Variants in NRG1 observed in about 807,000 individuals in gnomAD.
The protein encoded by NRG1 is pro-neuregulin-1, membrane-bound isoform.
Under a neutral mutation model 63.8 loss-of-function variants are expected in NRG1, and 18 were observed. The ratio of observed to expected loss-of-function variants is 0.28; its 90% CI spans 0.19 to 0.42. NRG1 has a LOEUF of 0.42. Ranked by LOEUF, NRG1 falls within the 10% of genes least tolerant of loss-of-function variation. The pLI is 1.00. For synonymous variants in NRG1, 302 were observed against 301.3 expected (o/e 1.00, Z -0.02); for missense variants, 762 against 814.7 (o/e 0.94, Z 0.79).
chr8:31,743,898 A>G (rs1436130055), intron 1 of NRG1, among the ~76,000 whole-genome samples: 2 of 151,850 alleles, frequency 1.3e-5, no homozygotes, highest in Admixed American at 1.3e-4. Context: ...CTTACCTTGG[A>G]AAAAAAAGCT....
At chr8:31,682,119 T>C (rs1808401184) in intron 1 of NRG1, among the ~76,000 whole-genome samples, 1 of 152,000 alleles carries the variant, frequency 6.6e-6, no homozygotes, top group African/African-American at 2.4e-5. Flanking sequence ...ATCCCTCTCT[T>C]CCCACTAAAA....
chr8:31,878,464 C>G (rs1393552878), intron 1 of NRG1, among the ~76,000 whole-genome samples: 1 of 152,140 alleles, frequency 6.6e-6, no homozygotes, highest in Non-Finnish European at 1.5e-5. Flanking sequence ...AATAAAAAAG[C>G]AGTATACTCA....
chr8:32,235,266 G>A (rs1335714516), intron 1 of NRG1, among the ~76,000 whole-genome samples: 1 of 146,594 alleles, frequency 6.8e-6, no homozygotes, highest in Non-Finnish European at 1.5e-5. Context: ...AAAGAGCCGG[G>A]CATGAACCTG....
intron 1 of NRG1, among the ~76,000 whole-genome samples, chr8:31,767,304 G>A (rs1011364976): frequency 5.9e-5 from 9 of 152,168 alleles, no homozygotes; most frequent in Non-Finnish European, 1.3e-4. Context: ...TGATTAATTT[G>A]TTAAAATGTG....
intron 5 of NRG1, among the ~76,000 whole-genome samples, chr8:32,659,205 C>T (rs1157313891): frequency 1.4e-5 from 2 of 145,228 alleles, no homozygotes; most frequent in African/African-American, 5.1e-5. Context: ...AGTACAGTGG[C>T]GTAGCCTTGG....
chr8:31,931,076 C>G (rs1382947318), intron 1 of NRG1, among the ~76,000 whole-genome samples: 1 of 152,124 alleles, frequency 6.6e-6, no homozygotes, highest in African/African-American at 2.4e-5. Context: ...TTCCACCGGA[C>G]TTTTGCTCAT....
rs1289131825 is a variant in NRG1 at position 32,440,755 on chromosome 8, G to A, written c.38-155073G>A. ...TGACTCAGTGAACCATCTAGACAGA[G>A]GATGAAATGCAGTAGTTCACCAACA... On this transcript the variant is annotated intron_variant, in intron 1 of 10. Coordinates refer to the NRG1 transcript ENST00000519301. 1.3e-5 allele frequency: 2 copies of A among 152,078 alleles called. 1 individual carries two copies. Among genetic ancestry groups the A allele is most frequent in the South Asian group, 4.2e-4 (2 of 4,814 alleles). The allele number at this position is 152,078 out of a possible 1,614,324, so 9.4% of individuals were successfully genotyped here.
At chr8:32,483,725 T>A (rs1434692496) in intron 1 of NRG1, among the ~76,000 whole-genome samples, 1 of 152,136 alleles carries the variant, frequency 6.6e-6, no homozygotes, top group Non-Finnish European at 1.5e-5. Flanking sequence ...GAAGAGGGGA[T>A]GTGGGTGGGC....
At chr8:32,644,568 T>C (rs1853094706) in intron 5 of NRG1, among the ~76,000 whole-genome samples, 1 of 152,178 alleles carries the variant, frequency 6.6e-6, no homozygotes, top group Admixed American at 6.5e-5. Flanking sequence ...AAAAAAGCAA[T>C]GTTATAGGAA....
At chr8:31,778,719 T>A (rs1329835358) in intron 1 of NRG1, among the ~76,000 whole-genome samples, 2 of 152,218 alleles carry the variant, frequency 1.3e-5, no homozygotes, top group African/African-American at 4.8e-5. Context: ...TTTAATCCTC[T>A]CCATGACCTA....
intron 1 of NRG1, among the ~76,000 whole-genome samples, chr8:31,993,967 A>C (rs1488014393): frequency 6.6e-6 from 1 of 152,020 alleles, no homozygotes; most frequent in Non-Finnish European, 1.5e-5. Context: ...CACACCAAAC[A>C]TAGAGTTTCC....
chr8:32,508,478 T>C (rs1176652465), intron 1 of NRG1, among the ~76,000 whole-genome samples: 1 of 151,436 alleles, frequency 6.6e-6, no homozygotes, highest in Non-Finnish European at 1.5e-5. Flanking sequence ...TTTGTATTTT[T>C]AGTAGAGACA....
intron 1 of NRG1, among the ~76,000 whole-genome samples, chr8:31,814,566 A>G (rs926928632): frequency 6.6e-6 from 1 of 151,970 alleles, no homozygotes; most frequent in African/African-American, 2.4e-5. Context: ...TTTGTTAAAC[A>G]TTGTGATTGT....
At chr8:32,261,467 T>C (rs1483281632) in intron 1 of NRG1, among the ~76,000 whole-genome samples, 1 of 152,090 alleles carries the variant, frequency 6.6e-6, no homozygotes, top group African/African-American at 2.4e-5. Context: ...CTTACTAGCC[T>C]TTTTAAGATA....
intron 5 of NRG1, among the ~76,000 whole-genome samples, chr8:32,690,716 AGT>A (rs1811365378): frequency 6.6e-6 from 1 of 151,370 alleles, no homozygotes; most frequent in African/African-American, 2.4e-5. Flanking sequence ...ATACACACAT[AGT>A]TTTTTTTTTT....
At chr8:32,027,514 T>C (rs150209990) in intron 1 of NRG1, among the ~76,000 whole-genome samples, 2,377 of 138,582 alleles carry the variant, frequency 0.017, 48 homozygotes, top group Middle Eastern at 0.053. Flanking sequence ...ATAGTTGCCA[T>C]AGCGTTTTCT....
At chr8:32,718,022 A>G (rs1274286393) in intron 5 of NRG1, among the ~76,000 whole-genome samples, 1 of 152,218 alleles carries the variant, frequency 6.6e-6, no homozygotes, top group African/African-American at 2.4e-5. Context: ...TGTAAAAAAC[A>G]TATCATTTCA....
intron 1 of NRG1, among the ~76,000 whole-genome samples, chr8:31,852,181 C>T (rs1827307227): frequency 1.3e-5 from 2 of 152,202 alleles, no homozygotes; most frequent in South Asian, 4.1e-4. Flanking sequence ...GAGGAATCGC[C>T]ACACCAACTT....
At chr8:32,106,592 C>CTTCTTCAGA (rs1831291071) in intron 1 of NRG1, among the ~76,000 whole-genome samples, 1 of 152,114 alleles carries the variant, frequency 6.6e-6, no homozygotes, top group Non-Finnish European at 1.5e-5. Flanking sequence ...GTTGTCCTGC[C>CTTCTTCAGA]TTCTTCAGAT....
Sources: allele counts gnomAD v4.1 joint callset (sites outside exome capture counted in the v4.1 genomes callset), GRCh38; gene constraint gnomAD v4.1.1; transcripts MANE v1.5; gene names NCBI Gene and HGNC (gene_info 2026-07-23, HGNC 2026-07-21).